Variants in DMD observed in about 807,000 individuals in gnomAD.
DMD encodes the protein dystrophin, also known as mutant dystrophin.
In DMD, 63 loss-of-function variants were observed where a neutral mutation model predicts 330.1. That is an observed-to-expected ratio of 0.19 (90% CI 0.16 to 0.24). The LOEUF (loss-of-function observed/expected upper bound fraction) is 0.24, where lower values mean the gene tolerates loss of function less well. Ranked by LOEUF, DMD falls within the 10% of genes least tolerant of loss-of-function variation. DMD has a pLI of 1.00. For missense variants in DMD, 3,344 were observed against 2,684.1 expected (o/e 1.25, Z -5.43); for synonymous variants, 1,223 against 959.8 (o/e 1.27, Z -5.07).
chrX:31,302,900 G>T (rs2054754140), intron 62 of DMD, among the ~76,000 whole-genome samples: 1 of 111,199 alleles, frequency 9.0e-6, no homozygotes, highest in African/African-American at 3.3e-5. Flanking sequence ...TGCAATATTT[G>T]ATTTAGATTA....
intron 44 of DMD, among the ~76,000 whole-genome samples, chrX:31,988,288 C>T (rs977654795): frequency 3.7e-5 from 4 of 108,507 alleles, no homozygotes; most frequent in South Asian, 8.2e-4. Context: ...CTGGCTAACA[C>T]GGTGAAACTC....
intron 42 of DMD, among the ~76,000 whole-genome samples, chrX:32,294,302 A>G (rs755870983): frequency 2.4e-3 from 274 of 112,532 alleles, no homozygotes; most frequent in African/African-American, 8.2e-3. Context: ...AGCAGGCCCA[A>G]ACCCTTTAAA....
chrX:31,759,618 C>G (rs1275331885), intron 51 of DMD, among the ~76,000 whole-genome samples: 1 of 111,783 alleles, frequency 8.9e-6, no homozygotes, highest in Admixed American at 9.5e-5. Context: ...ATATTATGTA[C>G]TACTCTTTAA....
At position 32,091,048 on chromosome X, in the gene DMD, C is replaced by T. The variant is rs2096471010; in HGVS notation, c.6439-122534G>A. Among the ~76,000 whole-genome samples the T allele has an allele frequency of 2.7e-5, 3 of 112,246 alleles. No individual in the cohort carries two copies. The Admixed American group carries it at 2.8e-4, about 11-fold the overall frequency. Reference sequence around the variant, plus strand: ...TCAGGCCATGCCCATTTTTTTATGCCACACATCTTCTCAGGCACAGCGGGA... The same window carrying T: ...TCAGGCCATGCCCATTTTTTTATGCTACACATCTTCTCAGGCACAGCGGGA... On this transcript the variant is annotated intron_variant, in intron 44 of 78. Coordinates refer to ENST00000357033, the MANE Select transcript of DMD (RefSeq NM_004006.3).
intron 13 of DMD, among the ~76,000 whole-genome samples, chrX:32,590,455 C>A (rs1291336695): frequency 9.0e-6 from 1 of 111,551 alleles, no homozygotes; most frequent in Non-Finnish European, 1.9e-5. Context: ...GAGAGTGTAG[C>A]CAAAGAAGGC....
At chrX:31,716,826 TACACACAC>T (rs3032284) in intron 52 of DMD, among the ~76,000 whole-genome samples, 45 of 96,466 alleles carry the variant, frequency 4.7e-4, no homozygotes, top group Admixed American at 1.8e-3. Flanking sequence ...TATATAAGAA[TACACACAC>T]ACACACACAC....
intron 55 of DMD, among the ~76,000 whole-genome samples, chrX:31,589,536 C>T (rs1489144616): frequency 5.4e-5 from 6 of 111,502 alleles, no homozygotes. Context: ...ACTCTGAAGG[C>T]ATTTTCCATG....
intron 55 of DMD, among the ~76,000 whole-genome samples, chrX:31,514,613 T>G (rs1183784398): frequency 8.9e-6 from 1 of 112,459 alleles, no homozygotes; most frequent in East Asian, 2.8e-4. Context: ...CTGAATTTTT[T>G]GAATATTACA....
chrX:32,343,911 G>A (rs1344152099), intron 39 of DMD, among the ~76,000 whole-genome samples: 1 of 112,025 alleles, frequency 8.9e-6, no homozygotes, highest in Non-Finnish European at 1.9e-5. Context: ...AAAAAATTAT[G>A]TGAGATAAAT....
chrX:32,279,808 TA>T (rs1336877480), intron 43 of DMD, among the ~76,000 whole-genome samples: 1 of 109,130 alleles, frequency 9.2e-6, no homozygotes, highest in Non-Finnish European at 1.9e-5. Context: ...TTTAAACAAT[TA>T]AAAAAATACA....
chrX:32,520,844 C>CTTTT (rs746203243), intron 17 of DMD, among the ~76,000 whole-genome samples: 2 of 87,927 alleles, frequency 2.3e-5, no homozygotes, highest in East Asian at 3.5e-4. Flanking sequence ...TCCTGCCATA[C>CTTTT]TTTTTTTTTT....
At chrX:33,045,340 A>ACACACACACAC (rs1569551361) in intron 1 of DMD, among the ~76,000 whole-genome samples, 1 of 109,159 alleles carries the variant, frequency 9.2e-6, no homozygotes, top group Admixed American at 9.8e-5. Flanking sequence ...ACACACACAC[A>ACACACACACAC]AGTATTTCGT....
chrX:32,899,362 A>C (rs1192364809), intron 2 of DMD, among the ~76,000 whole-genome samples: 2 of 111,241 alleles, frequency 1.8e-5, no homozygotes, highest in African/African-American at 6.5e-5. Flanking sequence ...ATTTAGTATA[A>C]TATCATAGAA....
At position 32,459,679 on chromosome X, in the gene DMD, G is replaced by T. The variant is rs2223506; in HGVS notation, c.3432+3760C>A. On this transcript the variant is annotated intron_variant, in intron 25 of 78. Coordinates refer to ENST00000357033, the MANE Select transcript of DMD (RefSeq NM_004006.3). ...ATGACCTACAATGTAGCTCATAACA[G>T]AAATATATCTGAAAACACTTTGATT... 6.0e-3 allele frequency among the ~76,000 whole-genome samples: 661 copies of T among 110,966 alleles called. 12 individuals are homozygous for T. Among genetic ancestry groups the T allele is most frequent in the African/African-American group, 0.021 (642 of 30,626 alleles).
chrX:32,955,886 C>A (rs2091554758), intron 2 of DMD, among the ~76,000 whole-genome samples: 1 of 111,759 alleles, frequency 8.9e-6, no homozygotes, highest in Admixed American at 9.5e-5. Flanking sequence ...CTGTTTTGTT[C>A]CATTGATCCA....
intron 44 of DMD, among the ~76,000 whole-genome samples, chrX:32,028,308 A>C (rs772708306): frequency 9.0e-6 from 1 of 111,259 alleles, no homozygotes; most frequent in Non-Finnish European, 1.9e-5. Context: ...AGGTTGGTCA[A>C]GTGTATGAAT....
At chrX:32,297,577 C>G (rs754651826) in intron 42 of DMD, among the ~76,000 whole-genome samples, 2 of 111,638 alleles carry the variant, frequency 1.8e-5, no homozygotes, top group African/African-American at 6.5e-5. Flanking sequence ...CAGCCTGAGA[C>G]AGTCATATAT....
At chrX:32,310,636 C>A (rs1400935067) in intron 41 of DMD, among the ~76,000 whole-genome samples, 2 of 110,502 alleles carry the variant, frequency 1.8e-5, no homozygotes, top group African/African-American at 6.6e-5. Context: ...ATTTAAAATT[C>A]TAATTTTCCT....
At chrX:31,166,870 A>T (rs974612758) in intron 74 of DMD, among the ~76,000 whole-genome samples, 1 of 112,094 alleles carries the variant, frequency 8.9e-6, no homozygotes, top group Non-Finnish European at 1.9e-5. Context: ...AAGGTAACTT[A>T]CACAAAGATT....
Sources: gnomAD v4.1 joint callset for allele counts (sites outside exome capture counted in the v4.1 genomes callset) on GRCh38, gnomAD v4.1.1 for gene constraint, MANE v1.5 for transcripts, NCBI Gene and HGNC (gene_info 2026-07-23, HGNC 2026-07-21) for gene names.